Variants in PNKP observed in about 807,000 individuals in gnomAD.
PNKP encodes the protein bifunctional polynucleotide phosphatase/kinase.
In PNKP, 82 loss-of-function variants were observed where a neutral mutation model predicts 66.2. The observed-to-expected ratio is 1.24, with a 90% CI of 1.04 to 1.49. The LOEUF (loss-of-function observed/expected upper bound fraction) is 1.49, where lower values mean the gene tolerates loss of function less well. PNKP is among the 40% of genes most tolerant of loss of function. The probability of loss-of-function intolerance (pLI) is 0.00; values close to 1 mark genes in which losing one functional copy is unlikely to be tolerated. For missense variants in PNKP, 907 were observed against 706.8 expected, an observed-to-expected ratio of 1.28 and a Z score of -3.21; for synonymous variants, 412 against 298.9, an observed-to-expected ratio of 1.38 and a Z score of -3.90.
chr19:49,861,784 G>A lies in PNKP; in HGVS notation c.1286C>T (p.Ala429Val), dbSNP rs769707108. The change falls in exon 14 of 17, where the codon GCG becomes GTG. Residue 429 changes from alanine to valine, a missense_variant. Physicochemically the swap from Ala to Val is moderately conservative, Grantham distance 64 (BLOSUM62 0). Coordinates refer to ENST00000322344, the MANE Select transcript of PNKP (RefSeq NM_007254.4). Reference sequence around the variant, plus strand: ...GCGGTCACGCTACCTGGCGCGGCTCGCGGCGTCTGGGTTTGTGTTGTCGAT... The same window carrying A: ...GCGGTCACGCTACCTGGCGCGGCTCACGGCGTCTGGGTTTGTGTTGTCGAT... ...VAIDNTNPDA[A>V]SRARYVQCAR... 5.1e-5 allele frequency: 80 copies of A among 1,565,324 alleles called. No homozygotes were observed. Among genetic ancestry groups the A allele is most frequent in the Non-Finnish European group, 6.3e-5 (73 of 1,158,592 alleles).
chr19:49,861,891 C>CGAGAGGTCACAAACA lies in PNKP; in HGVS notation c.1189-25_1189-11dup. 3 of 1,571,332 alleles carry CGAGAGGTCACAAACA rather than the reference C, an allele frequency of 1.9e-6. No homozygotes were observed. Among genetic ancestry groups the CGAGAGGTCACAAACA allele is most frequent in the South Asian group, 1.1e-5 (1 of 88,626 alleles). On this transcript the variant is annotated splice_polypyrimidine_tract_variant and intron_variant, in intron 13 of 16. Transcript: ENST00000322344. ...AGGAGCCTAGCGTGTCCTGGGGACA[C>CGAGAGGTCACAAACA]GAGAGGTCACAAACAGATCGGCAGA...
intron 6 of PNKP, 27 bp downstream of exon 6, chr19:49,864,152 C>A: frequency 6.2e-7 from 1 of 1,612,222 alleles, no homozygotes; most frequent in Non-Finnish European, 8.5e-7. Context: ...CGTGCACGTG[C>A]CCATGCAGAC....
chr19:49,865,617 T>G, intron 3 of PNKP, 191 bp from the exon 4 acceptor site: 1 of 511,660 alleles, frequency 2.0e-6, no homozygotes. Flanking sequence ...TTTTTTTTTT[T>G]TTTTTTTTCC....
Position 49,867,229 on chromosome 19 carries a change from G to C in PNKP, c.-13-12C>G. 1.9e-6 allele frequency: 3 copies of C among 1,602,002 alleles called. No homozygotes were observed. Among genetic ancestry groups the C allele is most frequent in the Non-Finnish European group, 2.6e-6 (3 of 1,174,720 alleles). On this transcript the variant is annotated splice_polypyrimidine_tract_variant and intron_variant, in intron 1 of 16. Coordinates refer to ENST00000322344, the MANE Select transcript of PNKP (RefSeq NM_007254.4). ...TCCTGGGTGCCGGCCTGGGGAGCAGGTAAACGGGCTTGAGCGGCGCACAGC... is the reference window on the plus strand; with the variant it reads ...TCCTGGGTGCCGGCCTGGGGAGCAGCTAAACGGGCTTGAGCGGCGCACAGC...
chr19:49,862,829 C>T, intron 8 of PNKP, 91 bp from the exon 9 acceptor site: 1 of 1,356,690 alleles, frequency 7.4e-7, no homozygotes. Context: ...GGTCTGTGCC[C>T]CACATCAGGA....
rs962788282 is a variant in PNKP at position 49,862,525 on chromosome 19, G to T, written c.936+13C>A. 3 of 1,606,586 alleles carry T rather than the reference G, an allele frequency of 1.9e-6. No individual in the cohort carries two copies. In the African/African-American group the frequency reaches 4.0e-5, roughly 21 times the overall value. On this transcript the variant is annotated intron_variant, in intron 10 of 16. Coordinates refer to ENST00000322344, the MANE Select transcript of PNKP (RefSeq NM_007254.4). ...GTCGGGCTCGGGCGCGGGGCAGGGG[G>T]CAGGGGCCTCACCAGGCGATCGGCG...
intron 2 of PNKP, chr19:49,866,834 A>G: frequency 1.6e-6 from 1 of 615,822 alleles, no homozygotes; most frequent in Non-Finnish European, 2.9e-6. Flanking sequence ...TCATCCGCGC[A>G]GTGAACATCC....
Position 49,863,704 on chromosome 19 carries a change from G to A in PNKP, c.801C>T (p.Asp267=). ...LYRKPVTGMW[D]HLQEQANDGT... is the part of the protein sequence containing the mutation. The stretch of plus-strand genomic sequence containing the variant: ...CAAGACTCACCTGCTCCTGCAGATG[G>A]TCCCACATGCCCGTCACCGGCTTCC... Residue 267 remains aspartate (D), a synonymous_variant, in exon 8 of 17, where the codon GAC becomes GAT. Coordinates refer to ENST00000322344, the MANE Select transcript of PNKP (RefSeq NM_007254.4). 6.4e-7 allele frequency: 1 copy of A among 1,555,736 alleles called. No homozygotes were observed.
intron 3 of PNKP, 76 bp downstream of exon 3, chr19:49,866,323 C>CCCTT: frequency 7.6e-7 from 1 of 1,323,866 alleles, no homozygotes; most frequent in Non-Finnish European, 1.1e-6. Flanking sequence ...CCTAATGTAC[C>CCCTT]CCTTCACTGA....
Position 49,864,085 on chromosome 19 carries a change from G to T in PNKP, c.637-14C>A, listed in dbSNP as rs370160553. 5 of 1,611,862 alleles carry T rather than the reference G, an allele frequency of 3.1e-6. No homozygotes were observed. Among genetic ancestry groups the T allele is most frequent in the Admixed American group, 3.3e-5 (2 of 59,996 alleles). On this transcript the variant is annotated splice_polypyrimidine_tract_variant and intron_variant, in intron 6 of 16. Transcript: ENST00000322344. ...GAAGATCACCAGCTGGGGAGCAAAGGGTGTCACCAGACGCTCTGCTCACCA... is the reference window on the plus strand; with the variant it reads ...GAAGATCACCAGCTGGGGAGCAAAGTGTGTCACCAGACGCTCTGCTCACCA...
Position 49,861,696 on chromosome 19 carries a change from C to T in PNKP, c.1299-1G>A, listed in dbSNP as rs1245431420. 4 of 1,547,880 alleles carry T rather than the reference C, an allele frequency of 2.6e-6. No homozygotes were observed. The highest frequency in any genetic ancestry group is 4.9e-5 in the East Asian group (2 of 40,894). On this transcript the variant is annotated splice_acceptor_variant, in intron 14 of 16. Coordinates refer to ENST00000322344, the MANE Select transcript of PNKP (RefSeq NM_007254.4). LOFTEE classifies it high-confidence loss of function. Reference sequence around the variant, plus strand: ...CGCGGCTCGGGCACACTGGACGTACCTGTGGGGGAAGGAGCTGGATGTGCA... The same window carrying T: ...CGCGGCTCGGGCACACTGGACGTACTTGTGGGGGAAGGAGCTGGATGTGCA...
chr19:49,865,651 T>A (rs1038549123), intron 3 of PNKP: 12 of 548,650 alleles, frequency 2.2e-5, no homozygotes, highest in Non-Finnish European at 3.5e-5. Context: ...GCTTGTTTTG[T>A]CGCCCAGGCT....
In PNKP at chr19:49,864,364, G is replaced by C. The variant is rs3739185; in HGVS notation, c.538C>G (p.Arg180Gly). The C allele has an allele frequency of 6.2e-7, 1 of 1,613,998 alleles. No individual in the cohort carries two copies. Among genetic ancestry groups the C allele is most frequent in the South Asian group, 1.1e-5 (1 of 91,080 alleles). Residue 180 changes from arginine to glycine, a missense_variant, in exon 5 of 17, where the codon CGC becomes GGC. Arg to Gly is a moderately radical substitution (Grantham distance 125). Transcript: ENST00000322344. ...FDLDGTLITTRSGKVFPTGPS... is the reference protein window; with the variant it reads ...FDLDGTLITTGSGKVFPTGPS... ...CCAGTGGGAAAGACCTTCCCAGAGCGTGTGGTGATGAGCGTCCCGTCCAGA... is the reference window on the plus strand; with the variant it reads ...CCAGTGGGAAAGACCTTCCCAGAGCCTGTGGTGATGAGCGTCCCGTCCAGA...
At chr19:49,864,830 T>C (rs1016747897) in intron 4 of PNKP, among the ~76,000 whole-genome samples, 1 of 152,170 alleles carries the variant, frequency 6.6e-6, no homozygotes, top group Non-Finnish European at 1.5e-5. Context: ...GGACTCAGAA[T>C]GTGGTGGTAA....
rs1176632657 is a variant in PNKP, at chr19:49,864,318, T to C, written c.578+6A>G. 2 of 1,613,422 alleles carry C rather than the reference T, an allele frequency of 1.2e-6. No individual in the cohort carries two copies. Among genetic ancestry groups the C allele is most frequent in the Non-Finnish European group, 1.7e-6 (2 of 1,179,380 alleles). Reference sequence around the variant, plus strand: ...TCACTCACTCCCTTGTTTTGCCTCTTATCACCTCCAGTCACTGGGGCCAGT... The same window carrying C: ...TCACTCACTCCCTTGTTTTGCCTCTCATCACCTCCAGTCACTGGGGCCAGT... On this transcript the variant is annotated splice_donor_region_variant and intron_variant, in intron 5 of 16. Transcript: ENST00000322344.
Position 49,862,401 on chromosome 19 carries a change from T to A in PNKP, c.999A>T (p.Ala333=), listed in dbSNP as rs1568660146. Residue 333 remains alanine (A), a synonymous_variant, in exon 11 of 17, where the codon GCA becomes GCT. Coordinates refer to ENST00000322344, the MANE Select transcript of PNKP (RefSeq NM_007254.4). ...CAAAGGCTGGGAGCTCGAAGCCGGC[T>A]GCTGGCCACTTGAGAAAGAACTCCT... The part of the protein sequence containing the change: ...TPEEFFLKWP[A]AGFELPAFDP... 1.3e-6 allele frequency: 2 copies of A among 1,548,572 alleles called. No individual in the cohort carries two copies. The highest frequency in any genetic ancestry group is 4.9e-5 in the East Asian group (2 of 40,598).
chr19:49,867,252 AG>A, intron 1 of PNKP, 35 bp from the exon 2 acceptor site: 1 of 1,565,824 alleles, frequency 6.4e-7, no homozygotes, highest in African/African-American at 1.4e-5. Flanking sequence ...AGCGGCGCAC[AG>A]CCCCAATTTG....
rs1391913873 is a variant in PNKP at position 49,865,428 on chromosome 19, T to C, written c.199-2A>G. ...GGTAGTTGAGGGGTTAACTCCCAGC[T>C]GCAGAAAGAGAGGGAGGAGCTGGGA... On this transcript the variant is annotated splice_acceptor_variant, in intron 3 of 16. Transcript: ENST00000322344. LOFTEE classifies it high-confidence loss of function. 3 of 1,598,510 alleles carry C rather than the reference T, an allele frequency of 1.9e-6. No individual in the cohort carries two copies. Among genetic ancestry groups the C allele is most frequent in the East Asian group, 2.3e-5 (1 of 43,986 alleles).
intron 7 of PNKP, 80 bp downstream of exon 7, chr19:49,863,884 C>A: frequency 7.2e-7 from 1 of 1,388,212 alleles, no homozygotes; most frequent in Non-Finnish European, 1.0e-6. Context: ...AGGCCTCCGC[C>A]CCGCTTACCC....
Sources: allele counts gnomAD v4.1 joint callset (sites outside exome capture counted in the v4.1 genomes callset), GRCh38; gene constraint gnomAD v4.1.1; transcripts MANE v1.5; gene names NCBI Gene and HGNC (gene_info 2026-07-23, HGNC 2026-07-21).